Variants in CELF2 observed in about 807,000 individuals in gnomAD.
The protein encoded by CELF2 is CUG triplet repeat RNA-binding protein 2.
In CELF2, 8 loss-of-function variants were observed where a neutral mutation model predicts 62.6. The observed-to-expected ratio is 0.13, with a 90% CI of 0.07 to 0.23. The LOEUF is 0.23. CELF2 is among the 10% of genes least tolerant of loss of function. CELF2 has a pLI of 1.00. For synonymous variants in CELF2, 258 were observed against 250.0 expected, an observed-to-expected ratio of 1.03 and a Z score of -0.30; for missense variants, 333 against 671.0, an observed-to-expected ratio of 0.50 and a Z score of 5.56.
the CELF2 span, among the ~76,000 whole-genome samples, chr10:10,639,873 C>A: frequency 6.6e-6 from 1 of 152,200 alleles, no homozygotes; most frequent in Non-Finnish European, 1.5e-5. Flanking sequence ...ATGAAATTCA[C>A]ATGGCCAGCA....
the CELF2 span, among the ~76,000 whole-genome samples, chr10:10,512,065 G>T: frequency 6.6e-6 from 1 of 152,148 alleles, no homozygotes; most frequent in African/African-American, 2.4e-5. Flanking sequence ...AGGACTATGA[G>T]GATCTGGCAA....
At chr10:10,935,057 A>G (rs537008040) in intron 2 of CELF2, 4 of 152,306 alleles carry the variant, frequency 2.6e-5, no homozygotes, top group South Asian at 4.2e-4. Context: ...ACCCACCTCA[A>G]TTGCCATTTT....
At chr10:10,581,403 C>T in the CELF2 span, among the ~76,000 whole-genome samples, 2 of 152,238 alleles carry the variant, frequency 1.3e-5, no homozygotes, top group Admixed American at 1.3e-4. Context: ...GTCCAGAGTG[C>T]TAGAACTTGG....
At chr10:10,489,890 T>C in the CELF2 span, among the ~76,000 whole-genome samples, 3 of 150,914 alleles carry the variant, frequency 2.0e-5, no homozygotes, top group Non-Finnish European at 4.4e-5. Context: ...AGAATCTATG[T>C]GAGTACAGGT....
At chr10:11,087,465 C>G (rs1289543513) in intron 1 of CELF2, among the ~76,000 whole-genome samples, 1 of 152,226 alleles carries the variant, frequency 6.6e-6, no homozygotes, top group Non-Finnish European at 1.5e-5. Flanking sequence ...AGGGAAGTAG[C>G]AACTGGCTTC....
chr10:10,780,820 C>A, the CELF2 span, among the ~76,000 whole-genome samples: 2 of 152,200 alleles, frequency 1.3e-5, no homozygotes, highest in Non-Finnish European at 2.9e-5. Flanking sequence ...ATAATCCCAG[C>A]CTGTGGTATT....
rs536775846 is a variant in CELF2, at chr10:11,089,274, G to C, written c.74+71111G>C. 3.3e-5 allele frequency among the ~76,000 whole-genome samples: 5 copies of C among 152,302 alleles called. No individual in the cohort carries two copies. The East Asian group carries it at 9.6e-4, about 29-fold the overall frequency. On this transcript the variant is annotated intron_variant, in intron 1 of 12. Transcript: ENST00000633077. ...TAGGCCACAGTGGAGGTTGGCAGCC[G>C]ATGGCAGCAAAGATGACTAATTCAG... is the stretch of plus-strand genomic sequence containing the variant.
rs1565664454 is a variant in CELF2, at chr10:11,269,963, T to C, written c.619-703T>C. On this transcript the variant is annotated intron_variant, in intron 6 of 12. Coordinates refer to ENST00000633077, the MANE Select transcript of CELF2 (RefSeq NM_001326342.2). The surrounding 1 kb of genome is among the most constrained non-coding windows in gnomAD (Gnocchi z 4.4). ...CACGGTCTATCTTCTTTGGCTAGAA[T>C]GTGCTTCTGTTTTTTGGGTTTGCAC... Among the ~76,000 whole-genome samples, 1 of 152,232 alleles carries C rather than the reference T, an allele frequency of 6.6e-6. No homozygotes were observed. The highest frequency in any genetic ancestry group is 1.5e-5 in the Non-Finnish European group (1 of 68,042).
chr10:11,219,429 C>A (rs755691659), intron 3 of CELF2, among the ~76,000 whole-genome samples: 10 of 152,178 alleles, frequency 6.6e-5, no homozygotes, highest in Non-Finnish European at 1.0e-4. Flanking sequence ...ATGTTACAGA[C>A]CCACTGTCAA....
chr10:10,999,642 T>C (rs1166974458), intron 2 of CELF2, among the ~76,000 whole-genome samples: 1 of 152,202 alleles, frequency 6.6e-6, no homozygotes, highest in African/African-American at 2.4e-5. Context: ...GGATGTGTTA[T>C]GATAGTTTCA....
At chr10:10,955,443 G>T (rs1052268089) in intron 2 of CELF2, among the ~76,000 whole-genome samples, 4 of 152,198 alleles carry the variant, frequency 2.6e-5, no homozygotes, top group Non-Finnish European at 5.9e-5. Context: ...TAGAGCTTTT[G>T]CATATGGTTA....
rs1415737505 is a variant in CELF2, at chr10:11,165,359, A to G, written c.75-127A>G. ...TTAGTTCATCAAATTTCTACGACTC[A>G]TTAGGCACTTTGCCACTGCTCTTCT... On this transcript the variant is annotated intron_variant, in intron 1 of 12. Transcript: ENST00000633077. The surrounding 1 kb of genome is among the most constrained non-coding windows in gnomAD (Gnocchi z 7.4). The G allele has an allele frequency of 6.0e-6, 9 of 1,500,358 alleles. No homozygotes were observed. Among genetic ancestry groups the G allele is most frequent in the African/African-American group, 2.8e-5 (2 of 71,066 alleles). The allele number at this position is 1,500,358 out of a possible 1,614,324, so 92.9% of individuals were successfully genotyped here.
chr10:10,989,058 C>T (rs1320187898), intron 2 of CELF2, among the ~76,000 whole-genome samples: 2 of 152,080 alleles, frequency 1.3e-5, no homozygotes, highest in Non-Finnish European at 2.9e-5. Context: ...GTAGTTAACA[C>T]GTGGGAACTG....
At chr10:10,696,804 G>A in the CELF2 span, among the ~76,000 whole-genome samples, 28 of 152,296 alleles carry the variant, frequency 1.8e-4, no homozygotes, top group Admixed American at 6.5e-4. Context: ...GACCCCTTGC[G>A]CTTCCCAAGT....
chr10:10,760,538 G>A, the CELF2 span, among the ~76,000 whole-genome samples: 1 of 152,236 alleles, frequency 6.6e-6, no homozygotes, highest in Non-Finnish European at 1.5e-5. Context: ...TTGTGTGGGA[G>A]ATGGGCATTA....
At chr10:11,078,298 C>T (rs915074954) in intron 1 of CELF2, among the ~76,000 whole-genome samples, 1 of 152,094 alleles carries the variant, frequency 6.6e-6, no homozygotes, top group Non-Finnish European at 1.5e-5. Flanking sequence ...AACAACATTT[C>T]TCTCTTGGGT....
chr10:10,801,605 C>T (rs1370105216), intron 1 of CELF2, among the ~76,000 whole-genome samples: 3 of 152,078 alleles, frequency 2.0e-5, no homozygotes, highest in Non-Finnish European at 4.4e-5. Flanking sequence ...TGAGAGGCCC[C>T]ATTCTGGTAA....
chr10:10,854,509 A>T (rs973911053), intron 1 of CELF2, among the ~76,000 whole-genome samples: 3 of 152,148 alleles, frequency 2.0e-5, no homozygotes, highest in Non-Finnish European at 4.4e-5. Context: ...GACCCAAGGA[A>T]CCCACTCCGG....
At chr10:10,608,857 C>T in the CELF2 span, among the ~76,000 whole-genome samples, 2 of 152,170 alleles carry the variant, frequency 1.3e-5, no homozygotes, top group African/African-American at 4.8e-5. Flanking sequence ...CTAGAACTAC[C>T]TAGAACTAAA....
Sources: allele counts gnomAD v4.1 joint callset (sites outside exome capture counted in the v4.1 genomes callset), GRCh38; gene constraint gnomAD v4.1.1; non-coding constraint Gnocchi (gnomAD v3.1); transcripts MANE v1.5; gene names NCBI Gene and HGNC (gene_info 2026-07-23, HGNC 2026-07-21).